Variants in KIF13B observed in about 807,000 individuals in gnomAD.
The protein encoded by KIF13B is kinesin-like protein KIF13B.
Under a neutral mutation model 222.0 loss-of-function variants are expected in KIF13B, and 127 were observed. The observed-to-expected ratio is 0.57, with a 90% CI of 0.50 to 0.66. KIF13B has a LOEUF of 0.66. Ranked by LOEUF, KIF13B falls within the 30% of genes least tolerant of loss-of-function variation. The pLI, the probability that KIF13B is intolerant of heterozygous loss-of-function variation, is 0.00. For synonymous variants in KIF13B, 976 were observed against 919.0 expected (o/e 1.06, Z -1.12); for missense variants, 2,173 against 2,379.0 (o/e 0.91, Z 1.80).
At position 29,142,276 on chromosome 8, in the gene KIF13B, T is replaced by C. The variant is rs764132350; in HGVS notation, c.2215A>G (p.Ile739Val). The change falls in exon 19 of 40, where the codon ATC becomes GTC. Residue 739 changes from isoleucine to valine, a missense_variant. Physicochemically the swap from Ile to Val is conservative, Grantham distance 29. Coordinates refer to ENST00000524189, the MANE Select transcript of KIF13B (RefSeq NM_015254.4). ...CCTTTTCCTTTTCTTCTCACCTGGA[T>C]TGCAGGCTCACTAAGAAGAGAGCCT... ...KRGSLLSEPAIQVRRKGKGKQ... is the reference protein window; with the variant it reads ...KRGSLLSEPAVQVRRKGKGKQ... The C allele has an allele frequency of 1.2e-5, 19 of 1,613,462 alleles. No individual in the cohort carries two copies. Among genetic ancestry groups the C allele is most frequent in the African/African-American group, 2.7e-5 (2 of 74,914 alleles).
intron 35 of KIF13B, among the ~76,000 whole-genome samples, chr8:29,099,890 C>A (rs564013535): frequency 6.6e-6 from 1 of 152,254 alleles, no homozygotes; most frequent in South Asian, 2.1e-4. Context: ...GCTTTGAGAC[C>A]ACTTCTGCTC....
At chr8:29,107,790 G>A (rs952124265) in intron 35 of KIF13B, among the ~76,000 whole-genome samples, 1 of 152,002 alleles carries the variant, frequency 6.6e-6, no homozygotes, top group African/African-American at 2.4e-5. Flanking sequence ...TCGATCTCCT[G>A]ACCTCGTGAT....
chr8:29,169,001 G>A (rs1236985980), intron 10 of KIF13B, among the ~76,000 whole-genome samples: 4 of 152,222 alleles, frequency 2.6e-5, no homozygotes, highest in Admixed American at 2.6e-4. Context: ...CTGAATGACA[G>A]ACTCTCAAGA....
intron 37 of KIF13B, among the ~76,000 whole-genome samples, chr8:29,091,988 A>C (rs568101211): frequency 6.6e-6 from 1 of 152,402 alleles, no homozygotes; most frequent in Admixed American, 6.5e-5. Context: ...GTTAAGTCTC[A>C]GACGATTCAC....
rs369593806 is a variant in KIF13B, at chr8:29,147,530, T to C, written c.1886A>G (p.Gln629Arg). The C allele has an allele frequency of 3.1e-6, 5 of 1,613,848 alleles. No homozygotes were observed. The highest frequency in any genetic ancestry group is 4.2e-6 in the Non-Finnish European group (5 of 1,179,874). ...EEEKRSALER[Q>R]RLMYEHELEQ... ...CAATTCGTGCTCATACATAAGCCTC[T>C]GGCGCTCCAGTGCAGATCGTTTTTC... Residue 629 changes from glutamine (Q) to arginine (R), a missense_variant, in exon 17 of 40, where the codon CAG (glutamine) becomes CGG (arginine). This residue lies in a region of KIF13B where 1,480 missense variants were observed against 1,722.8 expected (regional missense o/e 0.86). Coordinates refer to ENST00000524189, the MANE Select transcript of KIF13B (RefSeq NM_015254.4).
chr8:29,086,031 T>C (rs992616277), intron 37 of KIF13B, among the ~76,000 whole-genome samples: 1 of 152,150 alleles, frequency 6.6e-6, no homozygotes, highest in African/African-American at 2.4e-5. Flanking sequence ...AATGCTTATA[T>C]AGTCAGCTCT....
rs934771763 is a variant in KIF13B, at chr8:29,262,034, G to A, written c.55+946C>T. On this transcript the variant is annotated intron_variant, in intron 1 of 39. Coordinates refer to ENST00000524189, the MANE Select transcript of KIF13B (RefSeq NM_015254.4). ...AGTTCAAAGTCTCATCAATGGCAAA[G>A]TCATCTCCTGAGACAGTAATAGTGA... Among the ~76,000 whole-genome samples the A allele has an allele frequency of 2.0e-5, 3 of 152,302 alleles. 1 individual carries two copies. The East Asian group carries it at 5.8e-4, about 29-fold the overall frequency.
chr8:29,253,655 C>A (rs1380023608), intron 1 of KIF13B, among the ~76,000 whole-genome samples: 2 of 151,694 alleles, frequency 1.3e-5, no homozygotes, highest in Non-Finnish European at 2.9e-5. Flanking sequence ...CATGGTGAAA[C>A]CCTATCTCTA....
intron 23 of KIF13B, 66 bp from the exon 24 acceptor site, chr8:29,130,731 C>T (rs1247267672): frequency 7.0e-7 from 1 of 1,435,536 alleles, no homozygotes; most frequent in East Asian, 2.3e-5. Flanking sequence ...GCTTAGGGTC[C>T]TACACACATA....
In KIF13B at chr8:29,148,687, G is replaced by C; in HGVS notation, c.1703C>G (p.Ser568Cys). Reference protein sequence around the residue: ...QDPSMKNENSSEQLDVDGDSS... With the variant: ...QDPSMKNENSCEQLDVDGDSS... ...GTCTCCGTCTACATCCAGCTGCTCA[G>C]AACTATTCTCGTTCTTCATGGAGGG... Residue 568 changes from serine (S) to cysteine (C), a missense_variant, in exon 16 of 40, where the codon TCT becomes TGT. By Grantham distance (112) the Ser-to-Cys change is moderately radical (BLOSUM62 -1). Coordinates refer to ENST00000524189, the MANE Select transcript of KIF13B (RefSeq NM_015254.4). 1.2e-6 allele frequency: 2 copies of C among 1,612,546 alleles called. No individual in the cohort carries two copies. The highest frequency in any genetic ancestry group is 1.7e-6 in the Non-Finnish European group (2 of 1,179,304).
Position 29,150,298 on chromosome 8 carries a change from T to G in KIF13B, c.1621A>C (p.Arg541=). 6.5e-7 allele frequency: 1 copy of G among 1,538,426 alleles called. No individual in the cohort carries two copies. The highest frequency in any genetic ancestry group is 1.1e-5 in the South Asian group (1 of 86,976). ...RILWGNNHFF[R]LNLPKKKKKA... ...TAAGGGACATGAACAACATCATACC[T>G]GAAGAAATGATTGTTTCCCCATAAT... Residue 541 remains arginine, a splice_region_variant and synonymous_variant, in exon 15 of 40, where the codon AGA becomes CGA. Transcript: ENST00000524189.
chr8:29,103,773 C>T (rs970458311), intron 35 of KIF13B, among the ~76,000 whole-genome samples: 2 of 152,082 alleles, frequency 1.3e-5, no homozygotes, highest in Non-Finnish European at 1.5e-5. Context: ...TCTTTAGAAC[C>T]GAACCACTTT....
intron 18 of KIF13B, 87 bp downstream of exon 18, chr8:29,146,290 AG>A: frequency 1.5e-6 from 2 of 1,360,534 alleles, no homozygotes; most frequent in Non-Finnish European, 2.1e-6. Context: ...AGGCACAGAC[AG>A]GGATCTGAAG....
intron 14 of KIF13B, among the ~76,000 whole-genome samples, chr8:29,153,394 C>T (rs1173574596): frequency 6.6e-6 from 1 of 152,164 alleles, no homozygotes; most frequent in Non-Finnish European, 1.5e-5. Flanking sequence ...ATGATCACAT[C>T]CTATCAATAT....
At chr8:29,185,489 A>G (rs1812886097) in intron 6 of KIF13B, among the ~76,000 whole-genome samples, 1 of 152,266 alleles carries the variant, frequency 6.6e-6, no homozygotes, top group Non-Finnish European at 1.5e-5. Flanking sequence ...AAGTTTGTAC[A>G]GAAGCACTGA....
intron 18 of KIF13B, among the ~76,000 whole-genome samples, chr8:29,144,892 G>C (rs1037448390): frequency 6.6e-6 from 1 of 152,218 alleles, no homozygotes; most frequent in Non-Finnish European, 1.5e-5. Context: ...TCTTCCAGGC[G>C]TTGACATGGC....
chr8:29,107,442 C>T (rs971335682), intron 35 of KIF13B, among the ~76,000 whole-genome samples: 2 of 151,968 alleles, frequency 1.3e-5, no homozygotes, highest in Admixed American at 6.6e-5. Flanking sequence ...GCAGGAGAAT[C>T]GCTTGAACCT....
chr8:29,122,450 C>T, intron 29 of KIF13B, 141 bp downstream of exon 29: 1 of 673,454 alleles, frequency 1.5e-6, no homozygotes, highest in Non-Finnish European at 2.7e-6. Flanking sequence ...CCGTCTGCAA[C>T]CAGGAGACAT....
intron 1 of KIF13B, among the ~76,000 whole-genome samples, chr8:29,246,245 T>C (rs1054697673): frequency 1.3e-5 from 2 of 151,970 alleles, no homozygotes; most frequent in Non-Finnish European, 2.9e-5. Flanking sequence ...GACATGGTGG[T>C]GGGCACCTGT....
Sources: gnomAD v4.1 joint callset for allele counts (sites outside exome capture counted in the v4.1 genomes callset) on GRCh38, gnomAD v4.1.1 for gene constraint, gnomAD v4.1.1 regional missense constraint, MANE v1.5 for transcripts, NCBI Gene and HGNC (gene_info 2026-07-23, HGNC 2026-07-21) for gene names.